The following PLEKHA4 variants were observed in gnomAD, a reference collection of about 807,000 sequenced individuals.
The protein encoded by PLEKHA4 is pleckstrin homology domain containing A4, also known as pleckstrin homology domain-containing family A member 4.
A neutral mutation model predicts 94.7 loss-of-function variants in PLEKHA4; 73 were observed. The ratio of observed to expected loss-of-function variants is 0.77; its 90% CI spans 0.64 to 0.94. The LOEUF (loss-of-function observed/expected upper bound fraction) is 0.94. Ranked by LOEUF, PLEKHA4 falls within the 40% of genes least tolerant of loss-of-function variation. The pLI is 0.00. For synonymous variants in PLEKHA4, 449 were observed against 437.1 expected (o/e 1.03, Z -0.34); for missense variants, 1,049 against 1,054.1 (o/e 1.00, Z 0.07).
At chr19:48,856,158 T>G (rs1337681186) in intron 9 of PLEKHA4, among the ~76,000 whole-genome samples, 21 of 109,982 alleles carry the variant, frequency 1.9e-4, no homozygotes, top group Admixed American at 3.4e-4. Context: ...GCAACAAGAG[T>G]GAAACTCCTT....
chr19:48,837,472 A>AG lies in PLEKHA4; in HGVS notation c.2156dup (p.Pro720SerfsTer9), dbSNP rs1228334753. 5.0e-6 allele frequency: 8 copies of AG among 1,612,538 alleles called. No homozygotes were observed. Among genetic ancestry groups the AG allele is most frequent in the Non-Finnish European group, 6.8e-6 (8 of 1,179,470 alleles). On this transcript the variant is annotated frameshift_variant, in exon 20 of 20. Coordinates refer to ENST00000263265, the MANE Select transcript of PLEKHA4 (RefSeq NM_020904.3). LOFTEE classifies it low-confidence loss of function (END_TRUNC). This position sits in a 1 kb window ranked among gnomAD's most constrained non-coding sequence, Gnocchi z 4.3. ...TAGCCACCGGGGGAGATCTGGGGGGAGGGGTCTCCTGGCGCGTGGGGTCCG... is the reference window on the plus strand; with the variant it reads ...TAGCCACCGGGGGAGATCTGGGGGGAGGGGGTCTCCTGGCGCGTGGGGTCCG...
chr19:48,860,173 G>A, intron 6 of PLEKHA4, 177 bp downstream of exon 6: 1 of 607,712 alleles, frequency 1.6e-6, no homozygotes, highest in Non-Finnish European at 2.9e-6. Flanking sequence ...ACTTAAGGGA[G>A]AAAGACTTTT....
chr19:48,849,601 G>A lies in PLEKHA4; in HGVS notation c.1426-1561C>T, dbSNP rs975497029. ...TGGGACTACAGGCGTGAGCCAACAC[G>A]CCCGGCCGTGTCAATGTTTTTAAAG... On this transcript the variant is annotated intron_variant, in intron 13 of 19. Coordinates refer to ENST00000263265, the MANE Select transcript of PLEKHA4 (RefSeq NM_020904.3). Among the ~76,000 whole-genome samples, 8 of 152,136 alleles carry A rather than the reference G, an allele frequency of 5.3e-5. No individual in the cohort carries two copies. The East Asian group carries it at 5.8e-4, about 11-fold the overall frequency.
chr19:48,838,361 CGAT>C (rs1187467354), intron 18 of PLEKHA4: 1 of 301,022 alleles, frequency 3.3e-6, no homozygotes, highest in East Asian at 5.4e-5. Context: ...ACCCTATTCC[CGAT>C]GATGTGCTTA....
intron 17 of PLEKHA4, among the ~76,000 whole-genome samples, chr19:48,839,973 T>C (rs76153368): frequency 6.7e-6 from 1 of 149,572 alleles, no homozygotes; most frequent in Non-Finnish European, 1.5e-5. Context: ...CAGGGTGTGG[T>C]GGCATGGGCC....
intron 2 of PLEKHA4, among the ~76,000 whole-genome samples, 187 bp from the exon 3 acceptor site, chr19:48,865,797 G>A (rs538076534): frequency 2.4e-4 from 36 of 152,160 alleles, no homozygotes; most frequent in African/African-American, 8.4e-4. Flanking sequence ...GGTGGATCAC[G>A]AGGTCAGGAG....
intron 8 of PLEKHA4, among the ~76,000 whole-genome samples, chr19:48,857,828 T>C (rs2036484524): frequency 6.6e-6 from 1 of 150,902 alleles, no homozygotes; most frequent in South Asian, 2.1e-4. Context: ...TTTGTTCACT[T>C]GTTTATCTGC....
In PLEKHA4 at chr19:48,856,770, G is replaced by A. The variant is rs1352610532; in HGVS notation, c.1047+652C>T. Among the ~76,000 whole-genome samples, 5 of 150,088 alleles carry A rather than the reference G, an allele frequency of 3.3e-5. No individual in the cohort carries two copies. In the East Asian group the frequency reaches 9.8e-4, roughly 29 times the overall value. On this transcript the variant is annotated intron_variant, in intron 9 of 19. Transcript: ENST00000263265. The stretch of plus-strand genomic sequence containing the variant: ...AAAAATTAGCCGGGCGTGGTGGCGG[G>A]CGCCTGTAGTCCCAGCTATTCAGGA...
chr19:48,838,002 TC>T lies in PLEKHA4; in HGVS notation c.2077+14del, dbSNP rs755102208. 5.0e-6 allele frequency: 8 copies of T among 1,595,558 alleles called. No homozygotes were observed. The African/African-American group carries it at 6.7e-5, about 13-fold the overall frequency. On this transcript the variant is annotated intron_variant, in intron 19 of 19. Coordinates refer to ENST00000263265, the MANE Select transcript of PLEKHA4 (RefSeq NM_020904.3). ...CTCCCTAAAACCCAGAAGTCCAACA[TC>T]CCCAGCCAGTCACCTGTCATCATTC... is the stretch of plus-strand genomic sequence containing the variant.
intron 14 of PLEKHA4, among the ~76,000 whole-genome samples, chr19:48,846,964 C>T (rs1252345348): frequency 1.3e-5 from 2 of 152,134 alleles, no homozygotes; most frequent in African/African-American, 4.8e-5. Flanking sequence ...TTACTGCAAC[C>T]TCTGCCTCCC....
rs147130911 is a variant in PLEKHA4, at chr19:48,857,519, G to C, written c.973-23C>G. ...TGCCTGGGAGGAACGTTGAAATGGAGATGTTTAGAAACTGGCATGTCTGGG... is the reference window on the plus strand; with the variant it reads ...TGCCTGGGAGGAACGTTGAAATGGACATGTTTAGAAACTGGCATGTCTGGG... On this transcript the variant is annotated intron_variant, in intron 8 of 19. Transcript: ENST00000263265. The C allele has an allele frequency of 9.1e-4, 1,298 of 1,419,732 alleles. 6 individuals are homozygous for C. The African/African-American group carries it at 0.016, about 17-fold the overall frequency. The allele number at this position is 1,419,732 out of a possible 1,614,324, so 87.9% of individuals were successfully genotyped here. A position where few individuals can be genotyped will look rare whatever the true frequency, so the allele number is the denominator to read the frequency against.
rs1457969058 is a variant in PLEKHA4 at position 48,852,335 on chromosome 19, G to C, written c.1327-9C>G. 6.2e-6 allele frequency: 10 copies of C among 1,608,146 alleles called. No homozygotes were observed. The highest frequency in any genetic ancestry group is 8.5e-6 in the Non-Finnish European group (10 of 1,174,628). On this transcript the variant is annotated splice_polypyrimidine_tract_variant and intron_variant, in intron 12 of 19. Transcript: ENST00000263265. ...CAAACCCTCTCTCGCTCCTCAGGTT[G>C]CATAAAGGGGGAGACATAGGTTAGG...
Position 48,859,130 on chromosome 19 carries a change from G to T in PLEKHA4, c.702C>A (p.Thr234=). Residue 234 remains threonine, a synonymous_variant, in exon 8 of 20, where the codon ACC becomes ACA. Transcript: ENST00000263265. ...GAGGCGAGGGAGGGCGAGAGAGGGGGGTGAACAGGCTGTGGGAAGGAGAGA... is the reference window on the plus strand; with the variant it reads ...GAGGCGAGGGAGGGCGAGAGAGGGGTGTGAACAGGCTGTGGGAAGGAGAGA... ...MRRARSPDLF[T]PLSRPPSPLS... is the part of the protein sequence containing the mutation. The T allele has an allele frequency of 2.0e-6, 3 of 1,519,086 alleles. No individual in the cohort carries two copies. Among genetic ancestry groups the T allele is most frequent in the Non-Finnish European group, 1.8e-6 (2 of 1,138,594 alleles). 94.1% of individuals were successfully genotyped at this position (1,519,086 alleles called of 1,614,324 possible).
At chr19:48,863,367 G>A (rs2036714404) in intron 3 of PLEKHA4, among the ~76,000 whole-genome samples, 2 of 150,938 alleles carry the variant, frequency 1.3e-5, no homozygotes, top group East Asian at 3.9e-4. Flanking sequence ...GATTCTCCTG[G>A]CTCAGCCTCC....
Position 48,861,377 on chromosome 19 carries a change from C to T in PLEKHA4, c.366+24G>A, listed in dbSNP as rs749539086. ...CATCTCCAGTTCCCATCGCCTGGTGCACAACATGGATGGATGGACTCACGG... is the reference window on the plus strand; with the variant it reads ...CATCTCCAGTTCCCATCGCCTGGTGTACAACATGGATGGATGGACTCACGG... On this transcript the variant is annotated intron_variant, in intron 5 of 19. Coordinates refer to ENST00000263265, the MANE Select transcript of PLEKHA4 (RefSeq NM_020904.3). The T allele has an allele frequency of 6.9e-6, 11 of 1,597,332 alleles. No homozygotes were observed. The East Asian group carries it at 2.2e-4, about 32-fold the overall frequency.
intron 3 of PLEKHA4, among the ~76,000 whole-genome samples, chr19:48,863,961 C>G (rs746378880): frequency 6.6e-6 from 1 of 152,144 alleles, no homozygotes; most frequent in Non-Finnish European, 1.5e-5. Context: ...GGGCCCCATC[C>G]CCAGAGTTCC....
chr19:48,858,248 G>C (rs1237950581), intron 8 of PLEKHA4, among the ~76,000 whole-genome samples: 1 of 152,118 alleles, frequency 6.6e-6, no homozygotes, highest in African/African-American at 2.4e-5. Flanking sequence ...GGTGAACTGG[G>C]GACACAAGGG....
rs1260924467 is a variant in PLEKHA4 at position 48,837,603 on chromosome 19, C to T, written c.2078-52G>A. The T allele has an allele frequency of 1.3e-6, 2 of 1,597,540 alleles. No individual in the cohort carries two copies. Among genetic ancestry groups the T allele is most frequent in the Non-Finnish European group, 1.7e-6 (2 of 1,171,656 alleles). On this transcript the variant is annotated intron_variant, in intron 19 of 19. Transcript: ENST00000263265. The surrounding 1 kb of genome is among the most constrained non-coding windows in gnomAD (Gnocchi z 4.3). ...ATGGCAAACCTCAGCGCTAGGACCC[C>T]GGATTCCCAGCCCCTCCTCCCTCAG... is the stretch of plus-strand genomic sequence containing the variant.
In PLEKHA4 at chr19:48,853,765, C is replaced by A; in HGVS notation, c.1243G>T (p.Ala415Ser). The A allele has an allele frequency of 1.2e-6, 2 of 1,613,222 alleles. No individual in the cohort carries two copies. The highest frequency in any genetic ancestry group is 1.1e-5 in the South Asian group (1 of 90,958). ...QLGQATREAGAPGRAWGRQRL... is the reference protein window; with the variant it reads ...QLGQATREAGSPGRAWGRQRL... ...TGGCGACCCCAGGCCCTCCCGGGAG[C>A]CCCAGCCTCCCTGGTGGCTTGGCCC... Residue 415 changes from alanine to serine, a missense_variant, in exon 12 of 20, where the codon GCT becomes TCT. Physicochemically the swap from Ala to Ser is moderately conservative, Grantham distance 99. Transcript: ENST00000263265.
Sources: gnomAD v4.1 joint callset for allele counts (sites outside exome capture counted in the v4.1 genomes callset) on GRCh38, gnomAD v4.1.1 for gene constraint, Gnocchi (gnomAD v3.1) non-coding constraint, MANE v1.5 for transcripts, NCBI Gene and HGNC (gene_info 2026-07-23, HGNC 2026-07-21) for gene names.